The following PIAS2 variants were observed in gnomAD, a reference collection of about 807,000 sequenced individuals.
PIAS2 encodes E3 SUMO-protein ligase PIAS2.
In PIAS2, 19 loss-of-function variants were observed where a neutral mutation model predicts 69.7. The ratio of observed to expected loss-of-function variants is 0.27; its 90% CI spans 0.19 to 0.40. The LOEUF (loss-of-function observed/expected upper bound fraction) is 0.40. Among genes scored for constraint, PIAS2 ranks in the 10% least tolerant of loss-of-function variants. PIAS2 has a pLI of 1.00. For synonymous variants in PIAS2, 261 were observed against 263.2 expected, an observed-to-expected ratio of 0.99 and a Z score of 0.08; for missense variants, 624 against 757.0, an observed-to-expected ratio of 0.82 and a Z score of 2.06.
In PIAS2 at chr18:46,901,220, C is replaced by G. The variant is rs958537562; in HGVS notation, c.25-10166G>C. Reference sequence around the variant, plus strand: ...ATCACCTGCGGTCAGGAGTTCGAGGCCAGCCTGACCAACATGGAGAACCCC... The same window carrying G: ...ATCACCTGCGGTCAGGAGTTCGAGGGCAGCCTGACCAACATGGAGAACCCC... On this transcript the variant is annotated intron_variant, in intron 1 of 13. Coordinates refer to ENST00000585916, the MANE Select transcript of PIAS2 (RefSeq NM_004671.5). 4 of 377,394 alleles carry G rather than the reference C, an allele frequency of 1.1e-5. No individual in the cohort carries two copies. The Admixed American group carries it at 1.2e-4, about 12-fold the overall frequency. 23.4% of individuals were successfully genotyped at this position (377,394 alleles called of 1,614,324 possible). A position where few individuals can be genotyped will look rare whatever the true frequency, so the allele number is the denominator to read the frequency against.
chr18:46,836,616 G>A (rs2044474389), intron 8 of PIAS2, 99 bp from the exon 9 acceptor site: 1 of 774,114 alleles, frequency 1.3e-6, no homozygotes, highest in South Asian at 2.4e-5. Context: ...CATACAAGAA[G>A]ATGATAAAAA....
At position 46,805,118 on chromosome 18, in the gene PIAS2, G is replaced by A. The variant is rs1012179639; in HGVS notation, c.*7315C>T. The A allele has an allele frequency of 6.6e-6, 1 of 152,220 alleles. No individual in the cohort carries two copies. Among genetic ancestry groups the A allele is most frequent in the Non-Finnish European group, 1.5e-5 (1 of 68,058 alleles). 9.4% of individuals were successfully genotyped at this position (152,220 alleles called of 1,614,324 possible). ...AAGCAGCAAAGTCATCTTCTGAGAAGGAAGTGGCCTGAAAAGAGGGCAATA... is the reference window on the plus strand; with the variant it reads ...AAGCAGCAAAGTCATCTTCTGAGAAAGAAGTGGCCTGAAAAGAGGGCAATA... On this transcript the variant is annotated 3_prime_UTR_variant, in exon 14 of 14. Coordinates refer to ENST00000585916, the MANE Select transcript of PIAS2 (RefSeq NM_004671.5).
intron 9 of PIAS2, among the ~76,000 whole-genome samples, chr18:46,830,323 A>G (rs1335428165): frequency 2.6e-5 from 4 of 152,130 alleles, no homozygotes; most frequent in Non-Finnish European, 5.9e-5. Context: ...TAAATTTAAA[A>G]TAAGTGTATT....
intron 3 of PIAS2, among the ~76,000 whole-genome samples, chr18:46,863,233 T>C (rs1044809902): frequency 2.0e-5 from 3 of 152,202 alleles, no homozygotes; most frequent in Non-Finnish European, 4.4e-5. Context: ...ATGTTTACTT[T>C]CACTCTCAAA....
chr18:46,866,789 GAAATCTCCCTAAAGACCCTGATAAACCT>G (rs1324537876), intron 2 of PIAS2, among the ~76,000 whole-genome samples: 1 of 152,090 alleles, frequency 6.6e-6, no homozygotes, highest in Non-Finnish European at 1.5e-5. Context: ...TGATAAACCT[GAAATCTCCCTAAAGACCCTGATAAACCT>G]AAATCTCCCT....
intron 1 of PIAS2, among the ~76,000 whole-genome samples, chr18:46,901,682 T>A (rs539855022): frequency 6.6e-6 from 1 of 152,278 alleles, no homozygotes; most frequent in South Asian, 2.1e-4. Context: ...AATCATATGA[T>A]CAAATCAATC....
Position 46,883,077 on chromosome 18 carries a change from G to A in PIAS2, c.499+7503C>T, listed in dbSNP as rs567164938. Among the ~76,000 whole-genome samples, 15 of 149,298 alleles carry A rather than the reference G, an allele frequency of 1.0e-4. No individual in the cohort carries two copies. In the South Asian group the frequency reaches 3.0e-3, roughly 30 times the overall value. ...CACACCACTGCACTGCAGCCTGGGC[G>A]ACAGAGGGAGACTCCGTCTCAAAAG... On this transcript the variant is annotated intron_variant, in intron 2 of 13. Coordinates refer to ENST00000585916, the MANE Select transcript of PIAS2 (RefSeq NM_004671.5).
rs1220336780 is a variant in PIAS2 at position 46,811,382 on chromosome 18, A to G, written c.*1051T>C. ...TAAATCTAAAACACATTTTCTATGT[A>G]GTGCTACCAAAATACAAAGTTTCAT... On this transcript the variant is annotated 3_prime_UTR_variant, in exon 14 of 14. Transcript: ENST00000585916. The G allele has an allele frequency of 6.6e-6, 1 of 152,216 alleles. No individual in the cohort carries two copies. Among genetic ancestry groups the G allele is most frequent in the Non-Finnish European group, 1.5e-5 (1 of 68,040 alleles). 9.4% of individuals were successfully genotyped at this position (152,216 alleles called of 1,614,324 possible).
chr18:46,868,285 C>CTATCTT (rs908670954), intron 2 of PIAS2, among the ~76,000 whole-genome samples: 1 of 152,212 alleles, frequency 6.6e-6, no homozygotes, highest in African/African-American at 2.4e-5. Context: ...TTCTCCTAAG[C>CTATCTT]TATCTGCTCT....
At chr18:46,916,820 G>T (rs1303522410) in intron 1 of PIAS2, 6 of 985,256 alleles carry the variant, frequency 6.1e-6, no homozygotes, top group Non-Finnish European at 7.2e-6. Flanking sequence ...GCCTTTTCTC[G>T]TGACAGACCT....
intron 6 of PIAS2, 176 bp downstream of exon 6, chr18:46,846,531 T>G: frequency 2.1e-6 from 1 of 482,116 alleles, no homozygotes; most frequent in East Asian, 3.3e-5. Flanking sequence ...AAGCTCAGAG[T>G]TAAAGTTTTT....
chr18:46,860,556 A>G (rs377557379), intron 3 of PIAS2, among the ~76,000 whole-genome samples: 1 of 152,230 alleles, frequency 6.6e-6, no homozygotes, highest in Non-Finnish European at 1.5e-5. Flanking sequence ...AAAAGGGCAT[A>G]GGAGCCAACC....
At chr18:46,825,775 G>A (rs2042765715) in intron 11 of PIAS2, among the ~76,000 whole-genome samples, 2 of 152,204 alleles carry the variant, frequency 1.3e-5, no homozygotes, top group African/African-American at 4.8e-5. Context: ...ACATTTGAAA[G>A]AGTTTCTATC....
In PIAS2 at chr18:46,864,095, T is replaced by A. The variant is rs1288122446; in HGVS notation, c.584+69A>T. On this transcript the variant is annotated intron_variant, in intron 3 of 13. Transcript: ENST00000585916. Reference sequence around the variant, plus strand: ...TTTACACTGTCCAGTCTGTGAAATTTTGTTATGGCAGCCCTACAGGTGAAT... The same window carrying A: ...TTTACACTGTCCAGTCTGTGAAATTATGTTATGGCAGCCCTACAGGTGAAT... 8 of 884,922 alleles carry A rather than the reference T, an allele frequency of 9.0e-6. No individual in the cohort carries two copies. The Admixed American group carries it at 1.2e-4, about 14-fold the overall frequency. The allele number at this position is 884,922 out of a possible 1,614,324, so 54.8% of individuals were successfully genotyped here.
intron 2 of PIAS2, among the ~76,000 whole-genome samples, chr18:46,887,515 G>A (rs1021249873): frequency 6.6e-6 from 1 of 152,126 alleles, no homozygotes; most frequent in African/African-American, 2.4e-5. Flanking sequence ...ATTTCATAAA[G>A]AAATTCAAAT....
At chr18:46,845,734 T>A (rs1007630362) in intron 6 of PIAS2, among the ~76,000 whole-genome samples, 3 of 152,152 alleles carry the variant, frequency 2.0e-5, no homozygotes, top group African/African-American at 7.2e-5. Context: ...GTATTTTAAA[T>A]ATTTTTTAAT....
At chr18:46,916,751 CAGGGAT>C in intron 1 of PIAS2, 1 of 891,658 alleles carries the variant, frequency 1.1e-6, no homozygotes, top group Non-Finnish European at 1.3e-6. Context: ...TTATTGAAGG[CAGGGAT>C]CCCCAAACAT....
At chr18:46,845,446 T>C (rs2046029076) in intron 6 of PIAS2, among the ~76,000 whole-genome samples, 1 of 152,102 alleles carries the variant, frequency 6.6e-6, no homozygotes, top group South Asian at 2.1e-4. Context: ...GTACCCCAAA[T>C]GGGTATTTTA....
chr18:46,860,847 T>G (rs2048546602), intron 3 of PIAS2, among the ~76,000 whole-genome samples: 1 of 152,108 alleles, frequency 6.6e-6, no homozygotes, highest in Non-Finnish European at 1.5e-5. Context: ...TGTGGTGTTG[T>G]ACACCTGTAG....
Sources: allele counts gnomAD v4.1 joint callset (sites outside exome capture counted in the v4.1 genomes callset), GRCh38; gene constraint gnomAD v4.1.1; transcripts MANE v1.5; gene names NCBI Gene and HGNC (gene_info 2026-07-23, HGNC 2026-07-21).